Variants in C1orf21 observed in about 807,000 individuals in gnomAD.
C1orf21 encodes chromosome 1 open reading frame 21.
In C1orf21, 3 loss-of-function variants were observed where a neutral mutation model predicts 18.7. The ratio of observed to expected loss-of-function variants is 0.16; its 90% confidence interval spans 0.07 to 0.42. The LOEUF is 0.42. Ranked by LOEUF, C1orf21 falls within the 10% of genes least tolerant of loss-of-function variation. The pLI is 0.99. For missense variants in C1orf21, 104 were observed against 143.6 expected (o/e 0.72, Z 1.41); for synonymous variants, 41 against 46.4 (o/e 0.88, Z 0.47).
At chr1:184,475,847 G>A (rs72735693) in intron 1 of C1orf21, among the ~76,000 whole-genome samples, 7,930 of 151,712 alleles carry the variant, frequency 0.052, 288 homozygotes, top group Non-Finnish European at 0.083. Flanking sequence ...GTTACATCAA[G>A]TATGGGGAAG....
At chr1:184,600,669 A>G (rs1659574284) in intron 5 of C1orf21, among the ~76,000 whole-genome samples, 1 of 152,208 alleles carries the variant, frequency 6.6e-6, no homozygotes, top group African/African-American at 2.4e-5. Context: ...TCCCTGGACA[A>G]AAGAGCATTG....
At chr1:184,440,388 GCACGCCCTA>G (rs1205227649) in intron 1 of C1orf21, among the ~76,000 whole-genome samples, 1 of 151,972 alleles carries the variant, frequency 6.6e-6, no homozygotes, top group Non-Finnish European at 1.5e-5. Context: ...GACTACAGGC[GCACGCCCTA>G]CACCGGCCAT....
chr1:184,566,811 G>A (rs1659041353), intron 3 of C1orf21: 1 of 467,110 alleles, frequency 2.1e-6, no homozygotes. Flanking sequence ...ACAGCTCAAG[G>A]TGAAATTTTA....
At chr1:184,591,556 C>T (rs1659436480) in intron 4 of C1orf21, among the ~76,000 whole-genome samples, 2 of 152,192 alleles carry the variant, frequency 1.3e-5, no homozygotes, top group Admixed American at 1.3e-4. Flanking sequence ...CCTGTAATCC[C>T]AGCACTTTGG....
At position 184,429,033 on chromosome 1, in the gene C1orf21, C is replaced by A. The variant is rs190767368; in HGVS notation, c.-125+41665C>A. On this transcript the variant is annotated intron_variant, in intron 1 of 5. Transcript: ENST00000235307. ...GGCTCCATCCCCCAACCCAGTCCAA[C>A]ACACTTTTTGTCTCATTGACTCCAG... Among the ~76,000 whole-genome samples the A allele has an allele frequency of 6.0e-4, 92 of 152,270 alleles. 2 individuals are homozygous for A. The highest frequency in any genetic ancestry group is 4.6e-4 in the Admixed American group (7 of 15,292).
At chr1:184,588,612 C>T (rs1450471063) in intron 3 of C1orf21, among the ~76,000 whole-genome samples, 1 of 152,144 alleles carries the variant, frequency 6.6e-6, no homozygotes, top group Non-Finnish European at 1.5e-5. Flanking sequence ...TAATGGTACC[C>T]AACCGTGAGA....
intron 1 of C1orf21, among the ~76,000 whole-genome samples, chr1:184,420,163 T>C (rs901653719): frequency 2.6e-5 from 4 of 152,106 alleles, no homozygotes; most frequent in African/African-American, 4.8e-5. Context: ...TTGAAATATC[T>C]GATTACTCTC....
intron 1 of C1orf21, among the ~76,000 whole-genome samples, chr1:184,441,439 A>G (rs887315064): frequency 6.6e-6 from 1 of 152,194 alleles, no homozygotes; most frequent in African/African-American, 2.4e-5. Context: ...ACACAATTCA[A>G]ATTTATTCAC....
rs1240385314 is a variant in C1orf21, at chr1:184,387,355, C to G, written c.-138C>G. ...GGAGGCTTGCCACCTTCAGCCCCCC[C>G]GCGAACGCCCAAGGTAAGTGTGAGC... On this transcript the variant is annotated 5_prime_UTR_variant, in exon 1 of 6. Coordinates refer to ENST00000235307, the MANE Select transcript of C1orf21 (RefSeq NM_030806.4). The surrounding 1 kb of genome is among the most constrained non-coding windows in gnomAD (Gnocchi z 5.6). The G allele has an allele frequency of 6.6e-6, 1 of 152,402 alleles. No homozygotes were observed. The highest frequency in any genetic ancestry group is 1.5e-5 in the Non-Finnish European group (1 of 68,348). 9.4% of individuals were successfully genotyped at this position (152,402 alleles called of 1,614,324 possible).
intron 1 of C1orf21, among the ~76,000 whole-genome samples, chr1:184,462,546 T>G (rs1267986162): frequency 6.6e-6 from 1 of 152,172 alleles, no homozygotes; most frequent in Non-Finnish European, 1.5e-5. Flanking sequence ...TGACATTCTG[T>G]TGCTAGGTTA....
At chr1:184,559,263 C>T (rs1202007161) in intron 3 of C1orf21, among the ~76,000 whole-genome samples, 1 of 151,874 alleles carries the variant, frequency 6.6e-6, no homozygotes, top group Non-Finnish European at 1.5e-5. Flanking sequence ...GTGTGTGGCA[C>T]CTCCTCCCAC....
intron 2 of C1orf21, among the ~76,000 whole-genome samples, chr1:184,482,449 G>A (rs1044240851): frequency 4.6e-5 from 7 of 152,190 alleles, no homozygotes; most frequent in South Asian, 2.1e-4. Context: ...GAATGTGCCC[G>A]TAGAAAGAGG....
At chr1:184,583,181 C>T (rs983983398) in intron 3 of C1orf21, among the ~76,000 whole-genome samples, 2 of 152,256 alleles carry the variant, frequency 1.3e-5, no homozygotes, top group Non-Finnish European at 1.5e-5. Context: ...TTCACTGTCC[C>T]TTTGGGAGAT....
chr1:184,531,781 T>TC (rs1408727246), intron 3 of C1orf21, among the ~76,000 whole-genome samples: 1 of 152,128 alleles, frequency 6.6e-6, no homozygotes, highest in Non-Finnish European at 1.5e-5. Flanking sequence ...ATCTCTTTTT[T>TC]CCCCACAGCT....
chr1:184,454,633 G>T (rs1486590109), intron 1 of C1orf21, among the ~76,000 whole-genome samples: 1 of 152,084 alleles, frequency 6.6e-6, no homozygotes. Context: ...GTTCTCACGA[G>T]ATCTGGTTGT....
chr1:184,429,445 T>C (rs1656696405), intron 1 of C1orf21, among the ~76,000 whole-genome samples: 1 of 152,188 alleles, frequency 6.6e-6, no homozygotes, highest in Non-Finnish European at 1.5e-5. Flanking sequence ...ATTCTAAAAT[T>C]CTGTGATTGT....
At chr1:184,470,206 C>T (rs908094477) in intron 1 of C1orf21, among the ~76,000 whole-genome samples, 8 of 152,158 alleles carry the variant, frequency 5.3e-5, no homozygotes, top group East Asian at 3.9e-4. Flanking sequence ...CTATGAGGGC[C>T]CTCTGGGCAA....
intron 2 of C1orf21, among the ~76,000 whole-genome samples, chr1:184,505,578 C>A (rs1658048178): frequency 6.6e-6 from 1 of 151,756 alleles, no homozygotes; most frequent in East Asian, 1.9e-4. Context: ...CCCTGGCCAA[C>A]ATGGTAAAAC....
intron 3 of C1orf21, chr1:184,567,510 A>G: frequency 1.9e-6 from 1 of 532,614 alleles, no homozygotes; most frequent in South Asian, 1.4e-5. Flanking sequence ...AGTGCAGTGA[A>G]CTCTAACACC....
Sources: gnomAD v4.1 joint callset for allele counts (sites outside exome capture counted in the v4.1 genomes callset) on GRCh38, gnomAD v4.1.1 for gene constraint, Gnocchi (gnomAD v3.1) non-coding constraint, MANE v1.5 for transcripts, NCBI Gene and HGNC (gene_info 2026-07-23, HGNC 2026-07-21) for gene names.